SLC35F3: variants seen among roughly 807,000 people sequenced by gnomAD.
SLC35F3 encodes putative thiamine transporter SLC35F3.
A neutral mutation model predicts 49.9 loss-of-function variants in SLC35F3; 25 were observed. The ratio of observed to expected loss-of-function variants is 0.50; its 90% CI spans 0.37 to 0.70. The LOEUF is 0.70. Among genes scored for constraint, SLC35F3 ranks in the 30% least tolerant of loss-of-function variants. SLC35F3 has a pLI of 0.00. For synonymous variants in SLC35F3, 275 were observed against 265.4 expected (o/e 1.04, Z -0.35); for missense variants, 525 against 639.8 (o/e 0.82, Z 1.94).
intron 2 of SLC35F3, among the ~76,000 whole-genome samples, chr1:233,927,359 G>C (rs1233211436): frequency 2.0e-5 from 3 of 152,048 alleles, no homozygotes; most frequent in Non-Finnish European, 4.4e-5. Context: ...ATTTCCATAA[G>C]AAAATTTTTA....
At chr1:233,916,065 G>A (rs1486027169) in intron 2 of SLC35F3, among the ~76,000 whole-genome samples, 1 of 152,214 alleles carries the variant, frequency 6.6e-6, no homozygotes, top group Admixed American at 6.5e-5. Context: ...CATTACACTG[G>A]TGTGAGTACT....
At chr1:234,207,734 G>A (rs1253269079) in intron 2 of SLC35F3, among the ~76,000 whole-genome samples, 1 of 152,114 alleles carries the variant, frequency 6.6e-6, no homozygotes, top group Non-Finnish European at 1.5e-5. Context: ...TGGGCATGGT[G>A]GTCATGCCTA....
chr1:233,934,190 T>A (rs1011609199), intron 2 of SLC35F3, among the ~76,000 whole-genome samples: 1 of 152,202 alleles, frequency 6.6e-6, no homozygotes, highest in Non-Finnish European at 1.5e-5. Context: ...GCATATTTTA[T>A]CCTACACATT....
intron 2 of SLC35F3, among the ~76,000 whole-genome samples, chr1:234,170,844 C>T (rs746987755): frequency 6.6e-6 from 1 of 152,196 alleles, no homozygotes; most frequent in Admixed American, 6.5e-5. Flanking sequence ...TCCCAAGTCA[C>T]TTTGATGTGG....
intron 3 of SLC35F3, among the ~76,000 whole-genome samples, chr1:234,288,215 C>T (rs1668453694): frequency 6.6e-6 from 1 of 152,148 alleles, no homozygotes; most frequent in Admixed American, 6.5e-5. Flanking sequence ...GTAACCCAAA[C>T]GTCAAGTGCA....
At chr1:233,920,244 A>G (rs1039137583) in intron 2 of SLC35F3, among the ~76,000 whole-genome samples, 2 of 152,244 alleles carry the variant, frequency 1.3e-5, no homozygotes, top group Non-Finnish European at 2.9e-5. Context: ...CAGAAATGCT[A>G]TAATGTTAAA....
intron 4 of SLC35F3, among the ~76,000 whole-genome samples, chr1:234,312,709 T>C (rs181543901): frequency 6.6e-6 from 1 of 152,238 alleles, no homozygotes; most frequent in East Asian, 1.9e-4. Flanking sequence ...AGGGAAAGAG[T>C]TGGGGGAAGA....
chr1:234,275,752 GA>G (rs71576411), intron 3 of SLC35F3, among the ~76,000 whole-genome samples: 7,245 of 138,992 alleles, frequency 0.052, 272 homozygotes, highest in African/African-American at 0.11. Flanking sequence ...GGTAAGTATT[GA>G]AAAAAAAAAA....
At chr1:234,108,570 T>C (rs1238713374) in intron 2 of SLC35F3, among the ~76,000 whole-genome samples, 21 of 102,774 alleles carry the variant, frequency 2.0e-4, no homozygotes, top group Non-Finnish European at 3.4e-4. Flanking sequence ...AGATATATAT[T>C]ATTTATATAT....
chr1:234,284,087 G>T (rs1163133180), intron 3 of SLC35F3, among the ~76,000 whole-genome samples: 3 of 152,004 alleles, frequency 2.0e-5, no homozygotes, highest in East Asian at 1.9e-4. Context: ...TTAATTTCTT[G>T]CAGACATGGG....
rs573029280 is a variant in SLC35F3, at chr1:234,090,361, G to A, written c.284-141056G>A. Among the ~76,000 whole-genome samples the A allele has an allele frequency of 5.3e-5, 8 of 152,370 alleles. No homozygotes were observed. In the South Asian group the frequency reaches 6.2e-4, roughly 12 times the overall value. On this transcript the variant is annotated intron_variant, in intron 2 of 7. Coordinates refer to ENST00000366618, the MANE Select transcript of SLC35F3 (RefSeq NM_173508.4). Reference sequence around the variant, plus strand: ...ACATACTGCTGTCACAGATTGTTACGGACCAGATTTGTTCTGCCAGCATGC... The same window carrying A: ...ACATACTGCTGTCACAGATTGTTACAGACCAGATTTGTTCTGCCAGCATGC...
At chr1:234,073,098 A>G (rs549699671) in intron 2 of SLC35F3, among the ~76,000 whole-genome samples, 2 of 152,258 alleles carry the variant, frequency 1.3e-5, no homozygotes, top group East Asian at 3.9e-4. Flanking sequence ...TACCTTTCCC[A>G]CAAGAACACA....
At chr1:234,294,232 T>G (rs1423576190) in intron 3 of SLC35F3, among the ~76,000 whole-genome samples, 1 of 152,138 alleles carries the variant, frequency 6.6e-6, no homozygotes, top group South Asian at 2.1e-4. Context: ...GCAGGTTCCT[T>G]AGGCTCAGCA....
chr1:234,203,518 C>A (rs1196211704), intron 2 of SLC35F3, among the ~76,000 whole-genome samples: 1 of 152,172 alleles, frequency 6.6e-6, no homozygotes, highest in Non-Finnish European at 1.5e-5. Context: ...CGAGACCAGC[C>A]TGACCAATAT....
intron 2 of SLC35F3, among the ~76,000 whole-genome samples, chr1:234,034,758 A>C (rs1664116865): frequency 6.6e-6 from 1 of 152,250 alleles, no homozygotes; most frequent in South Asian, 2.1e-4. Flanking sequence ...CCTAGCCTCA[A>C]GTGATCCACC....
At chr1:233,951,123 C>G (rs1662600391) in intron 2 of SLC35F3, among the ~76,000 whole-genome samples, 1 of 151,202 alleles carries the variant, frequency 6.6e-6, no homozygotes. Context: ...TCAAGTATGC[C>G]TGGACATGGT....
chr1:234,084,642 A>G (rs1035586848), intron 2 of SLC35F3, among the ~76,000 whole-genome samples: 1 of 152,222 alleles, frequency 6.6e-6, no homozygotes, highest in Non-Finnish European at 1.5e-5. Flanking sequence ...ACTGAATGGA[A>G]CTGCCCACTT....
At chr1:234,064,382 T>C (rs1341604163) in intron 2 of SLC35F3, among the ~76,000 whole-genome samples, 1 of 152,178 alleles carries the variant, frequency 6.6e-6, no homozygotes, top group East Asian at 1.9e-4. Context: ...CTTATTATAA[T>C]TTTCATTTAT....
intron 2 of SLC35F3, among the ~76,000 whole-genome samples, chr1:233,936,281 T>C (rs556603874): frequency 6.6e-6 from 1 of 152,294 alleles, no homozygotes; most frequent in Non-Finnish European, 1.5e-5. Flanking sequence ...TTGGTAATTG[T>C]TTATAAAAGG....
Sources: allele counts gnomAD v4.1 joint callset (sites outside exome capture counted in the v4.1 genomes callset), GRCh38; gene constraint gnomAD v4.1.1; transcripts MANE v1.5; gene names NCBI Gene and HGNC (gene_info 2026-07-23, HGNC 2026-07-21).